The following BABAM2 variants were observed in gnomAD, a reference collection of about 807,000 sequenced individuals.
BABAM2 encodes the protein BRISC and BRCA1-A complex member 2.
A neutral mutation model predicts 54.7 loss-of-function variants in BABAM2; 31 were observed. The observed-to-expected ratio is 0.57, with a 90% confidence interval of 0.43 to 0.77. The LOEUF (loss-of-function observed/expected upper bound fraction) is 0.77. Among genes scored for constraint, BABAM2 ranks in the 30% least tolerant of loss-of-function variants. The pLI is 0.00. For synonymous variants in BABAM2, 167 were observed against 162.9 expected (o/e 1.03, Z -0.19); for missense variants, 364 against 455.8 (o/e 0.80, Z 1.83).
At chr2:28,224,967 G>C (rs1295344952) in intron 7 of BABAM2, among the ~76,000 whole-genome samples, 1 of 152,038 alleles carries the variant, frequency 6.6e-6, no homozygotes, top group Non-Finnish European at 1.5e-5. Context: ...GTGCAATGTG[G>C]AAAAATGATG....
intron 7 of BABAM2, among the ~76,000 whole-genome samples, chr2:28,222,337 A>G (rs531458606): frequency 1.5e-4 from 23 of 152,308 alleles, no homozygotes; most frequent in African/African-American, 5.5e-4. Flanking sequence ...CGGGGTCCTT[A>G]ACCTTTATCA....
At chr2:27,900,145 A>C (rs1243235540) in intron 2 of BABAM2, among the ~76,000 whole-genome samples, 1 of 152,184 alleles carries the variant, frequency 6.6e-6, no homozygotes, top group Non-Finnish European at 1.5e-5. Flanking sequence ...CACAGTTATG[A>C]GTGGTAGGAT....
At chr2:28,263,131 C>CA (rs539550619) in intron 10 of BABAM2, among the ~76,000 whole-genome samples, 27,300 of 97,564 alleles carry the variant, frequency 0.28, 3,333 homozygotes, top group Non-Finnish European at 0.34. Flanking sequence ...GACACTGTCT[C>CA]AAAAAAAAAA....
chr2:28,183,389 T>G (rs1371587794), intron 7 of BABAM2, among the ~76,000 whole-genome samples: 1 of 152,088 alleles, frequency 6.6e-6, no homozygotes, highest in East Asian at 1.9e-4. Flanking sequence ...TGCAGTGAGC[T>G]GAGATCGTGC....
intron 10 of BABAM2, among the ~76,000 whole-genome samples, chr2:28,294,849 C>CT (rs1242630187): frequency 2.6e-5 from 4 of 152,192 alleles, no homozygotes; most frequent in Non-Finnish European, 5.9e-5. Context: ...CTGAAGTACT[C>CT]TGACTGTTCC....
intron 7 of BABAM2, among the ~76,000 whole-genome samples, chr2:28,189,293 A>G (rs1173237108): frequency 6.6e-6 from 1 of 152,232 alleles, no homozygotes; most frequent in East Asian, 1.9e-4. Flanking sequence ...TTCATTCCCA[A>G]AGGGCTTGCA....
chr2:27,915,614 C>T (rs925848764), intron 2 of BABAM2, among the ~76,000 whole-genome samples: 1 of 152,258 alleles, frequency 6.6e-6, no homozygotes, highest in South Asian at 2.1e-4. Flanking sequence ...CAGATATGCT[C>T]ATATAGCAGA....
intron 10 of BABAM2, among the ~76,000 whole-genome samples, chr2:28,247,449 G>T (rs1001784842): frequency 1.3e-5 from 2 of 152,204 alleles, no homozygotes; most frequent in East Asian, 3.8e-4. Flanking sequence ...TCCTTTGGAA[G>T]CATCTGCTGG....
chr2:28,022,306 A>T (rs1408549614), intron 4 of BABAM2, among the ~76,000 whole-genome samples: 1 of 152,224 alleles, frequency 6.6e-6, no homozygotes, highest in Non-Finnish European at 1.5e-5. Context: ...TTCAAAACTG[A>T]TATTTTAGTT....
chr2:28,277,307 G>T (rs1266375805), intron 10 of BABAM2, among the ~76,000 whole-genome samples: 1 of 152,046 alleles, frequency 6.6e-6, no homozygotes, highest in Non-Finnish European at 1.5e-5. Context: ...GTTTCACCAT[G>T]TTGGCCAGGC....
At chr2:28,013,515 G>A (rs1052610815) in intron 4 of BABAM2, 11 of 409,668 alleles carry the variant, frequency 2.7e-5, no homozygotes, top group Non-Finnish European at 4.9e-5. Flanking sequence ...AGGTATTTGT[G>A]CATTTTGCCC....
intron 10 of BABAM2, among the ~76,000 whole-genome samples, chr2:28,248,278 C>T (rs1166533545): frequency 1.4e-4 from 17 of 125,732 alleles, no homozygotes; most frequent in African/African-American, 5.0e-4. Flanking sequence ...GACGGGATCT[C>T]GGCTCACTGC....
chr2:28,024,238 A>C (rs997666976), intron 4 of BABAM2, among the ~76,000 whole-genome samples: 1 of 152,040 alleles, frequency 6.6e-6, no homozygotes, highest in African/African-American at 2.4e-5. Context: ...CCCCGTCTCT[A>C]CTAAAAATAC....
At chr2:28,279,235 A>G (rs566964090) in intron 10 of BABAM2, among the ~76,000 whole-genome samples, 2 of 152,268 alleles carry the variant, frequency 1.3e-5, no homozygotes, top group African/African-American at 2.4e-5. Flanking sequence ...TGCCACCACC[A>G]GGTGAATAGG....
At chr2:27,984,623 T>C (rs996620646) in intron 3 of BABAM2, among the ~76,000 whole-genome samples, 2 of 152,100 alleles carry the variant, frequency 1.3e-5, no homozygotes, top group Non-Finnish European at 2.9e-5. Context: ...GACTTCTTCT[T>C]CTTTTTTTAA....
At chr2:28,038,750 T>A (rs1183900981) in intron 5 of BABAM2, among the ~76,000 whole-genome samples, 1 of 152,228 alleles carries the variant, frequency 6.6e-6, no homozygotes, top group Non-Finnish European at 1.5e-5. Context: ...TTCTATGGTG[T>A]ATATGTACCA....
chr2:28,001,042 A>T (rs553992517), intron 4 of BABAM2, among the ~76,000 whole-genome samples: 1 of 152,176 alleles, frequency 6.6e-6, no homozygotes, highest in Non-Finnish European at 1.5e-5. Flanking sequence ...CCAAGATCTT[A>T]GTGCCAGATG....
At chr2:28,215,460 A>G (rs1679842872) in intron 7 of BABAM2, among the ~76,000 whole-genome samples, 1 of 151,946 alleles carries the variant, frequency 6.6e-6, no homozygotes, top group Non-Finnish European at 1.5e-5. Flanking sequence ...AATTTATTAA[A>G]CTCTCTTACA....
At chr2:28,270,822 A>G (rs561410764) in intron 10 of BABAM2, among the ~76,000 whole-genome samples, 1 of 152,350 alleles carries the variant, frequency 6.6e-6, no homozygotes, top group African/African-American at 2.4e-5. Flanking sequence ...CAGGTGGTAA[A>G]TGCAGAACCA....
Sources: allele counts gnomAD v4.1 joint callset (sites outside exome capture counted in the v4.1 genomes callset), GRCh38; gene constraint gnomAD v4.1.1; transcripts MANE v1.5; gene names NCBI Gene and HGNC (gene_info 2026-07-23, HGNC 2026-07-21).